The following WDR49 variants were observed in gnomAD, a reference collection of about 807,000 sequenced individuals.
WDR49 encodes cilia- and flagella-associated protein 337.
A neutral mutation model predicts 119.5 loss-of-function variants in WDR49; 107 were observed. The ratio of observed to expected loss-of-function variants is 0.90; its 90% confidence interval spans 0.77 to 1.05. The LOEUF (loss-of-function observed/expected upper bound fraction) is 1.05, where lower values mean the gene tolerates loss of function less well. Ranked by LOEUF, WDR49 falls within the 50% of genes least tolerant of loss-of-function variation. The pLI, the probability that WDR49 is intolerant of heterozygous loss-of-function variation, is 0.00. For missense variants in WDR49, 1,240 were observed against 1,220.5 expected (o/e 1.02, Z -0.24); for synonymous variants, 425 against 418.8 (o/e 1.01, Z -0.18).
intron 10 of WDR49, among the ~76,000 whole-genome samples, chr3:167,547,467 G>A (rs78962643): frequency 1.3e-5 from 2 of 151,510 alleles, no homozygotes; most frequent in African/African-American, 2.4e-5. Context: ...CTAACGTCAT[G>A]TTTAATATTG....
intron 17 of WDR49, among the ~76,000 whole-genome samples, chr3:167,504,590 T>A (rs1484252930): frequency 6.6e-6 from 1 of 152,226 alleles, no homozygotes; most frequent in Non-Finnish European, 1.5e-5. Context: ...AGATGAGAAC[T>A]TTGAACTTTG....
intron 7 of WDR49, among the ~76,000 whole-genome samples, chr3:167,599,173 A>T (rs1446249938): frequency 6.6e-6 from 1 of 152,186 alleles, no homozygotes; most frequent in Non-Finnish European, 1.5e-5. Context: ...CCTTCAGGGC[A>T]GTTAGTTCCC....
At chr3:167,496,918 A>T (rs575007998) in intron 18 of WDR49, among the ~76,000 whole-genome samples, 1 of 151,930 alleles carries the variant, frequency 6.6e-6, no homozygotes, top group African/African-American at 2.4e-5. Flanking sequence ...TCTACTAACG[A>T]GAGGTAAATG....
chr3:167,590,655 T>C (rs898237368), intron 7 of WDR49, among the ~76,000 whole-genome samples: 2 of 152,152 alleles, frequency 1.3e-5, no homozygotes, highest in East Asian at 3.8e-4. Context: ...TAGGAATTTA[T>C]CCATTTCTTC....
intron 8 of WDR49, among the ~76,000 whole-genome samples, chr3:167,567,202 A>T (rs1713657129): frequency 6.6e-6 from 1 of 152,134 alleles, no homozygotes. Flanking sequence ...CAGATTGTCT[A>T]ATGTCCATTA....
intron 6 of WDR49, 23 bp downstream of exon 6, chr3:167,604,277 GT>G: frequency 6.2e-7 from 1 of 1,611,732 alleles, no homozygotes; most frequent in South Asian, 1.1e-5. Flanking sequence ...GGCCCTCATA[GT>G]TATCATGATT....
chr3:167,608,202 G>A (rs973044265), intron 5 of WDR49, among the ~76,000 whole-genome samples: 2 of 152,018 alleles, frequency 1.3e-5, no homozygotes, highest in African/African-American at 4.8e-5. Context: ...ACAAAAAAGG[G>A]TTATTATAAC....
intron 2 of WDR49, among the ~76,000 whole-genome samples, chr3:167,628,965 A>G (rs1717248162): frequency 6.6e-6 from 1 of 152,128 alleles, no homozygotes; most frequent in African/African-American, 2.4e-5. Flanking sequence ...TTTTAGAATT[A>G]TGCTAAATCT....
intron 4 of WDR49, 141 bp from the exon 5 acceptor site, chr3:167,620,744 A>G (rs1373897598): frequency 1.3e-6 from 1 of 799,684 alleles, no homozygotes; most frequent in Non-Finnish European, 1.8e-6. Flanking sequence ...GCAGGGTGTT[A>G]TACTAAAAAA....
At chr3:167,569,736 T>C (rs1159406476) in intron 8 of WDR49, among the ~76,000 whole-genome samples, 1 of 151,582 alleles carries the variant, frequency 6.6e-6, no homozygotes, top group Admixed American at 6.6e-5. Flanking sequence ...ACCAGTGATG[T>C]TGAAGGATCA....
chr3:167,520,202 G>A (rs1247969151), intron 16 of WDR49, among the ~76,000 whole-genome samples: 1 of 150,830 alleles, frequency 6.6e-6, no homozygotes, highest in African/African-American at 2.4e-5. Context: ...AGCTGTGGTC[G>A]CACCACTGCA....
intron 2 of WDR49, among the ~76,000 whole-genome samples, chr3:167,649,031 A>G (rs139411614): frequency 0.017 from 2,608 of 152,296 alleles, 32 homozygotes; most frequent in Non-Finnish European, 0.026. Context: ...AACTTTATGG[A>G]CCATCTCATT....
intron 16 of WDR49, among the ~76,000 whole-genome samples, chr3:167,510,164 C>G (rs915179242): frequency 1.3e-5 from 2 of 152,150 alleles, no homozygotes; most frequent in African/African-American, 4.8e-5. Flanking sequence ...GCGGGCAGAT[C>G]ACGAGGTCAG....
chr3:167,528,528 TAAATAAAATAAAATAAAATAAAATA>T (rs10675052), intron 14 of WDR49, among the ~76,000 whole-genome samples: 1 of 147,946 alleles, frequency 6.8e-6, no homozygotes, highest in Non-Finnish European at 1.5e-5. Flanking sequence ...AAAAGTAAAA[TAAATAAAATAAAATAAAATAAAATA>T]AAATAAAATA....
rs114150998 is a variant in WDR49, at chr3:167,521,741, G to A, written c.2774+574C>T. The stretch of plus-strand genomic sequence containing the variant: ...TATGAGAGCATGGTTTAGCAAAAGT[G>A]TAGAAAACAAAAGAACTAAACTCCT... On this transcript the variant is annotated intron_variant, in intron 16 of 18. Coordinates refer to ENST00000682715, the MANE Select transcript of WDR49 (RefSeq NM_001366157.1). Among the ~76,000 whole-genome samples, 513 of 152,258 alleles carry A rather than the reference G, an allele frequency of 3.4e-3. 4 individuals carry two copies. The highest frequency in any genetic ancestry group is 0.031 in the East Asian group (162 of 5,182).
chr3:167,582,347 C>A (rs1294683748), intron 7 of WDR49, among the ~76,000 whole-genome samples: 1 of 152,082 alleles, frequency 6.6e-6, no homozygotes, highest in Non-Finnish European at 1.5e-5. Flanking sequence ...ACATTTTTAT[C>A]TTAAAGTCAT....
At chr3:167,558,607 C>G (rs1167132999) in intron 9 of WDR49, among the ~76,000 whole-genome samples, 1 of 152,204 alleles carries the variant, frequency 6.6e-6, no homozygotes, top group Non-Finnish European at 1.5e-5. Context: ...CACACATACT[C>G]TTCATCCATG....
intron 2 of WDR49, among the ~76,000 whole-genome samples, chr3:167,636,837 ATTGT>A (rs1311135838): frequency 6.7e-6 from 1 of 150,312 alleles, no homozygotes; most frequent in Non-Finnish European, 1.5e-5. Context: ...TTTTGATGGG[ATTGT>A]TTCTTTTTTT....
At chr3:167,547,437 C>A (rs898890478) in intron 10 of WDR49, among the ~76,000 whole-genome samples, 1 of 151,376 alleles carries the variant, frequency 6.6e-6, no homozygotes, top group African/African-American at 2.4e-5. Context: ...TGATAAATGG[C>A]AGCTACATAC....
Sources: gnomAD v4.1 joint callset for allele counts (sites outside exome capture counted in the v4.1 genomes callset) on GRCh38, gnomAD v4.1.1 for gene constraint, MANE v1.5 for transcripts, NCBI Gene and HGNC (gene_info 2026-07-23, HGNC 2026-07-21) for gene names.